The following MYH16 variants were observed in gnomAD, a reference collection of about 807,000 sequenced individuals.
The protein encoded by MYH16 is putative uncharacterized protein MYH16.
chr7:99,239,134 G>C (rs895530378), intron 1 of MYH16: 1 of 152,430 alleles, frequency 6.6e-6, no homozygotes, highest in Non-Finnish European at 1.5e-5. Context: ...GGCAGAAAGA[G>C]CAGGTGCCTC....
chr7:99,276,542 A>G (rs1792113886), intron 20 of MYH16, among the ~76,000 whole-genome samples: 1 of 152,238 alleles, frequency 6.6e-6, no homozygotes, highest in African/African-American at 2.4e-5. Context: ...GCAGGTGAGA[A>G]GGGCCAAGTG....
At chr7:99,261,930 GC>G (rs1204263633) in intron 13 of MYH16, 1 of 152,200 alleles carries the variant, frequency 6.6e-6, no homozygotes, top group African/African-American at 2.4e-5. Flanking sequence ...TTCAGTCTTG[GC>G]CAGAAATGAC....
At chr7:99,306,303 T>C (rs531214794) in intron 41 of MYH16, among the ~76,000 whole-genome samples, 6 of 151,960 alleles carry the variant, frequency 3.9e-5, no homozygotes, top group Admixed American at 3.9e-4. Context: ...TCGAGGTAGG[T>C]GGATCACCTG....
intron 17 of MYH16, chr7:99,265,719 G>A (rs1243108274): frequency 6.5e-6 from 1 of 153,018 alleles, no homozygotes; most frequent in African/African-American, 2.4e-5. Context: ...GCAAGGCTCA[G>A]ATGCCCAGGA....
chr7:99,291,228 A>G (rs1186608562), intron 30 of MYH16, 95 bp from the exon 12 acceptor site: 1 of 400,796 alleles, frequency 2.5e-6, no homozygotes, highest in African/African-American at 2.1e-5. Flanking sequence ...CACCATATTT[A>G]TTGGGTACTT....
At chr7:99,294,033 C>G (rs1792433545) in exon 33 of MYH16, 1 of 452,894 alleles carries the variant, frequency 2.2e-6, no homozygotes, top group Admixed American at 2.4e-5. Flanking sequence ...AGCTGGCCGC[C>G]AGGCTTCAGG....
intron 1 of MYH16, among the ~76,000 whole-genome samples, chr7:99,242,398 G>T (rs1444589966): frequency 6.6e-6 from 1 of 152,002 alleles, no homozygotes; most frequent in Non-Finnish European, 1.5e-5. Context: ...CACTTTTGGG[G>T]GCCAAGATGG....
intron 23 of MYH16, 79 bp downstream of exon 5, chr7:99,281,059 C>T (rs114343579): frequency 9.1e-6 from 2 of 220,894 alleles, no homozygotes; most frequent in South Asian, 4.2e-5. Flanking sequence ...ACTGGAGCCC[C>T]GAGTTCAAAT....
chr7:99,273,545 G>A (rs1584347638), intron 20 of MYH16, 122 bp downstream of exon 2: 4 of 393,414 alleles, frequency 1.0e-5, no homozygotes, highest in African/African-American at 6.3e-5. Context: ...GAAAATGAGG[G>A]CACCTTAGAG....
At chr7:99,269,691 G>A (rs1040097378) in intron 18 of MYH16, among the ~76,000 whole-genome samples, 4 of 152,092 alleles carry the variant, frequency 2.6e-5, no homozygotes, top group Admixed American at 6.6e-5. Context: ...CCTCCATGAC[G>A]TGCTTTTATC....
At chr7:99,258,625 G>A (rs976659473) in intron 11 of MYH16, among the ~76,000 whole-genome samples, 12 of 152,126 alleles carry the variant, frequency 7.9e-5, no homozygotes, top group African/African-American at 2.7e-4. Context: ...GATGAGTGGT[G>A]TGCTGAAGCC....
chr7:99,308,495 T>C (rs139994302), downstream of MYH16, among the ~76,000 whole-genome samples: 834 of 152,078 alleles, frequency 5.5e-3, 8 homozygotes, highest in African/African-American at 0.017. Context: ...CCTTTTCCCA[T>C]GGACAGAAGC....
At chr7:99,297,144 G>A (rs755946338) in intron 34 of MYH16, among the ~76,000 whole-genome samples, 1 of 152,122 alleles carries the variant, frequency 6.6e-6, no homozygotes, top group Admixed American at 6.6e-5. Flanking sequence ...TATAAAATGA[G>A]GAAATAGCCG....
intron 18 of MYH16, among the ~76,000 whole-genome samples, chr7:99,267,811 C>A (rs1161073066): frequency 6.6e-6 from 1 of 152,194 alleles, no homozygotes; most frequent in African/African-American, 2.4e-5. Context: ...TCTATAGCCG[C>A]CCTGCCCCCC....
chr7:99,267,891 T>C (rs1271072940), intron 18 of MYH16, among the ~76,000 whole-genome samples: 1 of 152,010 alleles, frequency 6.6e-6, no homozygotes, highest in Non-Finnish European at 1.5e-5. Flanking sequence ...GTCAGGAGAG[T>C]CAGCTCAAAG....
At chr7:99,253,551 G>A (rs547455983) in intron 7 of MYH16, 1,567 of 151,956 alleles carry the variant, frequency 0.01, 13 homozygotes, top group Non-Finnish European at 0.016. Flanking sequence ...CCGTTCCCAG[G>A]ACTCCCCCCG....
intron 37 of MYH16, among the ~76,000 whole-genome samples, chr7:99,300,207 A>AC (rs1458663364): frequency 1.3e-5 from 2 of 151,640 alleles, no homozygotes; most frequent in Non-Finnish European, 2.9e-5. Context: ...TGATCCACCC[A>AC]CCTCAGCCTC....
intron 1 of MYH16, among the ~76,000 whole-genome samples, chr7:99,239,640 G>A (rs1255667187): frequency 2.6e-5 from 4 of 152,162 alleles, no homozygotes; most frequent in Non-Finnish European, 2.9e-5. Flanking sequence ...TGGATTGCAG[G>A]GATCCAACCT....
intron 30 of MYH16, among the ~76,000 whole-genome samples, chr7:99,289,677 A>C (rs1792340272): frequency 6.6e-6 from 1 of 152,248 alleles, no homozygotes; most frequent in African/African-American, 2.4e-5. Context: ...ACAATTTTCA[A>C]ACATTTTTAA....
Sources: allele counts gnomAD v4.1 joint callset (sites outside exome capture counted in the v4.1 genomes callset), GRCh38; gene constraint gnomAD v4.1.1; transcripts MANE v1.5; gene names NCBI Gene and HGNC (gene_info 2026-07-23, HGNC 2026-07-21).